The following ADCY9 variants were observed in gnomAD, a reference collection of about 807,000 sequenced individuals.
The protein encoded by ADCY9 is adenylate cyclase type 9.
A neutral mutation model predicts 101.5 loss-of-function variants in ADCY9; 50 were observed. The ratio of observed to expected loss-of-function variants is 0.49; its 90% CI spans 0.39 to 0.62. The LOEUF (loss-of-function observed/expected upper bound fraction) is 0.62. ADCY9 is among the 20% of genes least tolerant of loss of function. The probability of loss-of-function intolerance (pLI) is 0.00; values close to 1 mark genes in which losing one functional copy is unlikely to be tolerated. For missense variants in ADCY9, 1,662 were observed against 1,800.4 expected, an observed-to-expected ratio of 0.92 and a Z score of 1.39; for synonymous variants, 905 against 769.3, an observed-to-expected ratio of 1.18 and a Z score of -2.92.
chr16:4,007,641 A>G (rs2056376019), intron 2 of ADCY9, 83 bp from the exon 3 acceptor site: 1 of 1,196,456 alleles, frequency 8.4e-7, no homozygotes, highest in African/African-American at 1.5e-5. Context: ...TCTGGAGAGG[A>G]CTCACTCCTG....
chr16:4,113,335 C>T (rs796407404), intron 2 of ADCY9, among the ~76,000 whole-genome samples: 26 of 152,188 alleles, frequency 1.7e-4, no homozygotes, highest in African/African-American at 5.5e-4. Flanking sequence ...TCCACGTTTT[C>T]GCAAAAAGGG....
At chr16:3,988,661 C>G (rs1479878744) in intron 6 of ADCY9, among the ~76,000 whole-genome samples, 3 of 111,080 alleles carry the variant, frequency 2.7e-5, no homozygotes. Flanking sequence ...GGGGGGTTTC[C>G]TTCCAGGGCA....
chr16:4,039,611 A>G (rs192073070), intron 2 of ADCY9, among the ~76,000 whole-genome samples: 2 of 149,606 alleles, frequency 1.3e-5, no homozygotes, highest in East Asian at 4.0e-4. Context: ...CCTGGGAGGC[A>G]GAGGTTGCAG....
intron 2 of ADCY9, among the ~76,000 whole-genome samples, chr16:4,075,058 T>C (rs2056858509): frequency 6.6e-6 from 1 of 152,110 alleles, no homozygotes. Flanking sequence ...ATGCCTGTAG[T>C]CCCAGCTACT....
intron 3 of ADCY9, among the ~76,000 whole-genome samples, chr16:4,004,920 G>C (rs1001436470): frequency 4.6e-5 from 7 of 152,080 alleles, no homozygotes; most frequent in African/African-American, 1.4e-4. Context: ...GAAAATCTAC[G>C]CATGCTCCTT....
chr16:4,021,542 G>A (rs1193846050), intron 2 of ADCY9, among the ~76,000 whole-genome samples: 3 of 152,106 alleles, frequency 2.0e-5, no homozygotes, highest in Non-Finnish European at 4.4e-5. Flanking sequence ...GTAGATACAC[G>A]AGCTCCGTCC....
chr16:3,994,287 A>C (rs1216582350), intron 3 of ADCY9, among the ~76,000 whole-genome samples: 1 of 152,192 alleles, frequency 6.6e-6, no homozygotes, highest in African/African-American at 2.4e-5. Flanking sequence ...CCCAGCCTCC[A>C]GAACCCTGAG....
At chr16:4,085,926 G>A (rs1022534757) in intron 2 of ADCY9, among the ~76,000 whole-genome samples, 3 of 151,828 alleles carry the variant, frequency 2.0e-5, no homozygotes, top group Non-Finnish European at 2.9e-5. Context: ...TCAGGGTGGT[G>A]TGCGGACATC....
At chr16:4,087,936 CTTT>C (rs932778364) in intron 2 of ADCY9, among the ~76,000 whole-genome samples, 1 of 143,148 alleles carries the variant, frequency 7.0e-6, no homozygotes, top group Non-Finnish European at 1.5e-5. Flanking sequence ...CTTTCTTCTT[CTTT>C]TTTTTTGTTT....
chr16:4,071,716 A>G (rs1401973874), intron 2 of ADCY9, among the ~76,000 whole-genome samples: 1 of 152,200 alleles, frequency 6.6e-6, no homozygotes, highest in Non-Finnish European at 1.5e-5. Flanking sequence ...GTCTCTAAAG[A>G]AGAACCGAGT....
intron 2 of ADCY9, among the ~76,000 whole-genome samples, chr16:4,050,091 C>A (rs574758667): frequency 2.1e-4 from 32 of 151,672 alleles, no homozygotes; most frequent in Middle Eastern, 7.1e-3. Flanking sequence ...GGGGTGGGGA[C>A]CCTTGGCTGC....
intron 2 of ADCY9, among the ~76,000 whole-genome samples, chr16:4,062,865 C>T (rs975027665): frequency 9.9e-5 from 15 of 152,064 alleles, no homozygotes; most frequent in African/African-American, 3.4e-4. Flanking sequence ...ACTGACTGAA[C>T]CAAAGGGAGA....
intron 2 of ADCY9, among the ~76,000 whole-genome samples, chr16:4,038,028 G>T (rs2056601212): frequency 1.3e-5 from 2 of 152,210 alleles, no homozygotes; most frequent in Non-Finnish European, 2.9e-5. Flanking sequence ...AATCCCAACA[G>T]TTTGGGAGGC....
chr16:3,971,995 A>G (rs1273741013), intron 10 of ADCY9, among the ~76,000 whole-genome samples: 1 of 152,208 alleles, frequency 6.6e-6, no homozygotes, highest in Non-Finnish European at 1.5e-5. Flanking sequence ...GGCAGAGCAC[A>G]GCGTTTGCTT....
intron 2 of ADCY9, among the ~76,000 whole-genome samples, chr16:4,025,136 G>A (rs1288733640): frequency 1.3e-5 from 2 of 152,138 alleles, no homozygotes. Context: ...GCCGAGGCGG[G>A]TGGATCACCT....
At chr16:3,978,781 G>A (rs775889665) in intron 8 of ADCY9, among the ~76,000 whole-genome samples, 2 of 152,156 alleles carry the variant, frequency 1.3e-5, no homozygotes, top group African/African-American at 2.4e-5. Context: ...GTGTGGTGGT[G>A]CAACCTCAGC....
intron 2 of ADCY9, among the ~76,000 whole-genome samples, chr16:4,038,506 G>C (rs2056605279): frequency 6.6e-6 from 1 of 152,142 alleles, no homozygotes; most frequent in Admixed American, 6.6e-5. Context: ...TCGGCCTCCA[G>C]AACTGCCTCC....
At chr16:3,997,621 C>G (rs965667091) in intron 3 of ADCY9, among the ~76,000 whole-genome samples, 4 of 152,232 alleles carry the variant, frequency 2.6e-5, no homozygotes, top group African/African-American at 9.6e-5. Context: ...CACGCTCGGG[C>G]CTCCTGAGGG....
chr16:4,022,322 T>C (rs2056482466), intron 2 of ADCY9, among the ~76,000 whole-genome samples: 1 of 151,846 alleles, frequency 6.6e-6, no homozygotes, highest in Non-Finnish European at 1.5e-5. Flanking sequence ...TGAAACCCCA[T>C]CTCTACTAAA....
Sources: gnomAD v4.1 joint callset for allele counts (sites outside exome capture counted in the v4.1 genomes callset) on GRCh38, gnomAD v4.1.1 for gene constraint, MANE v1.5 for transcripts, NCBI Gene and HGNC (gene_info 2026-07-23, HGNC 2026-07-21) for gene names.